The following NXN variants were observed in gnomAD, a reference collection of about 807,000 sequenced individuals.
NXN encodes the protein nucleoredoxin.
NXN carries 16 observed loss-of-function variants against 48.6 expected under a neutral mutation model. The observed-to-expected ratio is 0.33, with a 90% CI of 0.22 to 0.50. The LOEUF (loss-of-function observed/expected upper bound fraction) is 0.50, where lower values mean the gene tolerates loss of function less well. Among genes scored for constraint, NXN ranks in the 20% least tolerant of loss-of-function variants. The pLI is 0.98. For missense variants in NXN, 492 were observed against 605.5 expected (o/e 0.81, Z 1.97); for synonymous variants, 281 against 269.6 (o/e 1.04, Z -0.41).
At chr17:814,779 A>C (rs965728405) in intron 5 of NXN, among the ~76,000 whole-genome samples, 1 of 151,586 alleles carries the variant, frequency 6.6e-6, no homozygotes, top group South Asian at 2.1e-4. Context: ...TAATCCCAGC[A>C]CTTAGGGAGG....
intron 7 of NXN, 92 bp from the exon 8 acceptor site, chr17:801,223 C>T: frequency 9.8e-7 from 1 of 1,015,846 alleles, no homozygotes; most frequent in Non-Finnish European, 1.3e-6. Flanking sequence ...TGTGGTAGCT[C>T]CCGCACCCTG....
At chr17:853,339 T>C (rs553346188) in intron 1 of NXN, among the ~76,000 whole-genome samples, 5 of 151,910 alleles carry the variant, frequency 3.3e-5, no homozygotes, top group Non-Finnish European at 5.9e-5. Flanking sequence ...TCCCAGCTAC[T>C]CGGGAGGTGG....
chr17:939,353 T>TC (rs1212133268), intron 1 of NXN, among the ~76,000 whole-genome samples: 7 of 134,888 alleles, frequency 5.2e-5, no homozygotes, highest in African/African-American at 2.0e-4. Context: ...GCTTTTTTTT[T>TC]TTTTTTTTGA....
intron 1 of NXN, among the ~76,000 whole-genome samples, chr17:881,998 T>C (rs2068289609): frequency 6.6e-6 from 1 of 151,226 alleles, no homozygotes; most frequent in Non-Finnish European, 1.5e-5. Context: ...ATGGAAATGT[T>C]CTTGGTCTTG....
chr17:973,525 G>T (rs1197668857), intron 1 of NXN, among the ~76,000 whole-genome samples: 3 of 152,154 alleles, frequency 2.0e-5, no homozygotes. Context: ...CCCAGGCTTC[G>T]TCGATCAGCA....
At chr17:918,355 C>CGT (rs1567862219) in intron 1 of NXN, among the ~76,000 whole-genome samples, 3,305 of 151,964 alleles carry the variant, frequency 0.022, 128 homozygotes, top group African/African-American at 0.075. Flanking sequence ...GAGGAGCGCA[C>CGT]GATCCATCAG....
chr17:848,201 G>A (rs528770466), intron 1 of NXN, among the ~76,000 whole-genome samples: 2 of 152,082 alleles, frequency 1.3e-5, no homozygotes, highest in East Asian at 3.9e-4. Flanking sequence ...GCAATGGCAC[G>A]ATCTCGGCTC....
rs566707099 is a variant in NXN at position 931,016 on chromosome 17, G to A, written c.360+48303C>T. Among the ~76,000 whole-genome samples the A allele has an allele frequency of 5.9e-5, 9 of 152,186 alleles. No homozygotes were observed. In the South Asian group the frequency reaches 6.2e-4, roughly 11 times the overall value. On this transcript the variant is annotated intron_variant, in intron 1 of 7. Transcript: ENST00000336868. ...GAACTCCTGACCTCATGATCCGCCC[G>A]ACTCAGCCTCCCAAAGTGCCGGGAT...
chr17:810,863 T>G (rs1911955767), intron 5 of NXN, among the ~76,000 whole-genome samples: 1 of 151,780 alleles, frequency 6.6e-6, no homozygotes, highest in Non-Finnish European at 1.5e-5. Flanking sequence ...CACTCCAGCC[T>G]GGGCGACAGA....
intron 1 of NXN, among the ~76,000 whole-genome samples, chr17:854,068 C>G (rs992942838): frequency 2.6e-5 from 4 of 152,234 alleles, no homozygotes; most frequent in East Asian, 1.9e-4. Flanking sequence ...TGTGTCCCCC[C>G]ACTGGACTAC....
At chr17:856,388 T>G (rs771620167) in intron 1 of NXN, among the ~76,000 whole-genome samples, 65 of 152,116 alleles carry the variant, frequency 4.3e-4, no homozygotes, top group East Asian at 3.8e-4. Context: ...TGGCTGGATG[T>G]CTTCCGCTAG....
intron 1 of NXN, among the ~76,000 whole-genome samples, chr17:924,510 T>C (rs8065360): frequency 1.3e-5 from 2 of 152,236 alleles, no homozygotes; most frequent in African/African-American, 2.4e-5. Context: ...GTGCTAGGAT[T>C]ACAGGGATGA....
chr17:836,885 G>A (rs985669035), intron 1 of NXN, among the ~76,000 whole-genome samples: 4 of 151,954 alleles, frequency 2.6e-5, no homozygotes, highest in African/African-American at 4.8e-5. Context: ...TCCACCTCCC[G>A]GGCTCAAGCC....
intron 1 of NXN, among the ~76,000 whole-genome samples, chr17:904,985 A>G (rs972181556): frequency 6.6e-6 from 1 of 152,018 alleles, no homozygotes; most frequent in Non-Finnish European, 1.5e-5. Context: ...CTTCACACAC[A>G]AGCGTGTGTG....
chr17:890,701 A>AT (rs2068407403), intron 1 of NXN, among the ~76,000 whole-genome samples: 1 of 146,780 alleles, frequency 6.8e-6, no homozygotes, highest in Non-Finnish European at 1.5e-5. Context: ...TCAAAATAAT[A>AT]TTTTTCTGGA....
chr17:826,930 C>T (rs140684445), intron 1 of NXN, among the ~76,000 whole-genome samples: 155 of 152,380 alleles, frequency 1.0e-3, no homozygotes, highest in African/African-American at 3.6e-3. Context: ...GGAAGCCAAG[C>T]GTGGGCGGCC....
intron 1 of NXN, chr17:959,267 C>T (rs2069207437): frequency 7.6e-6 from 4 of 522,990 alleles, no homozygotes; most frequent in Admixed American, 7.6e-5. Flanking sequence ...CTTCCTTTCC[C>T]CTCCATGACT....
rs541083177 is a variant in NXN at position 807,816 on chromosome 17, G to A, written c.821-2569C>T. The stretch of plus-strand genomic sequence containing the variant: ...GACGAGCTTGGCCTACAGCCATGAC[G>A]AGTGCACATCCCTCCAAAGGTGAAC... On this transcript the variant is annotated intron_variant, in intron 5 of 7. Transcript: ENST00000336868. Among the ~76,000 whole-genome samples, 15 of 152,368 alleles carry A rather than the reference G, an allele frequency of 9.8e-5. No individual in the cohort carries two copies. In the South Asian group the frequency reaches 2.5e-3, roughly 25 times the overall value.
At chr17:902,247 G>T (rs1467046) in intron 1 of NXN, among the ~76,000 whole-genome samples, 1 of 152,198 alleles carries the variant, frequency 6.6e-6, no homozygotes, top group Non-Finnish European at 1.5e-5. Context: ...GTCCGTTCCA[G>T]ACATAAGCCA....
Sources: allele counts gnomAD v4.1 joint callset (sites outside exome capture counted in the v4.1 genomes callset), GRCh38; gene constraint gnomAD v4.1.1; transcripts MANE v1.5; gene names NCBI Gene and HGNC (gene_info 2026-07-23, HGNC 2026-07-21).